KATNBL1: variants seen among roughly 807,000 people sequenced by gnomAD.
KATNBL1 encodes the protein KATNB1-like protein 1.
A neutral mutation model predicts 44.7 loss-of-function variants in KATNBL1; 28 were observed. The ratio of observed to expected loss-of-function variants is 0.63; its 90% CI spans 0.46 to 0.86. The LOEUF is 0.86. KATNBL1 is among the 40% of genes least tolerant of loss of function. The probability of loss-of-function intolerance (pLI) is 0.00; values close to 1 mark genes in which losing one functional copy is unlikely to be tolerated. For missense variants in KATNBL1, 272 were observed against 350.7 expected (o/e 0.78, Z 1.79); for synonymous variants, 78 against 114.9 (o/e 0.68, Z 2.06).
At chr15:34,167,934 G>A (rs913161865) in intron 1 of KATNBL1, among the ~76,000 whole-genome samples, 1 of 152,148 alleles carries the variant, frequency 6.6e-6, no homozygotes, top group African/African-American at 2.4e-5. Context: ...AGCTCCTGAA[G>A]GAAGCACTAA....
At position 34,152,766 on chromosome 15, in the gene KATNBL1, A is replaced by G. The variant is rs1034423698; in HGVS notation, c.438+24T>C. ...TATAACAGGAACAAAGTTAAACTAG[A>G]TATGAGTTAGAGAAAAGACTTACCT... On this transcript the variant is annotated intron_variant, in intron 4 of 9. Coordinates refer to ENST00000256544, the MANE Select transcript of KATNBL1 (RefSeq NM_024713.3). The G allele has an allele frequency of 1.1e-5, 17 of 1,566,216 alleles. 1 individual carries two copies. Among genetic ancestry groups the G allele is most frequent in the Middle Eastern group, 3.4e-4 (2 of 5,912 alleles).
intron 1 of KATNBL1, among the ~76,000 whole-genome samples, chr15:34,165,224 T>C (rs534708164): frequency 6.6e-6 from 1 of 152,298 alleles, no homozygotes; most frequent in South Asian, 2.1e-4. Context: ...AAGTAGACAC[T>C]TGTGGCTGGA....
chr15:34,171,243 AAAAC>A (rs1230686390), intron 1 of KATNBL1, among the ~76,000 whole-genome samples: 14 of 152,242 alleles, frequency 9.2e-5, no homozygotes, highest in African/African-American at 2.4e-4. Context: ...TGTCAAGAAA[AAAAC>A]AAACAACCCA....
intron 1 of KATNBL1, among the ~76,000 whole-genome samples, chr15:34,167,265 A>C (rs2140937936): frequency 6.6e-6 from 1 of 152,384 alleles, no homozygotes; most frequent in Admixed American, 6.5e-5. Flanking sequence ...GACATCATGG[A>C]GCTGAAAATC....
chr15:34,172,760 G>GACACACAGACACAGACAC (rs1889206959), intron 1 of KATNBL1, among the ~76,000 whole-genome samples: 1 of 146,426 alleles, frequency 6.8e-6, no homozygotes, highest in Non-Finnish European at 1.5e-5. Context: ...CACAGACACA[G>GACACACAGACACAGACAC]ACACACACAC....
chr15:34,151,481 T>A (rs1888476409), intron 4 of KATNBL1, among the ~76,000 whole-genome samples: 1 of 116,076 alleles, frequency 8.6e-6, no homozygotes, highest in Non-Finnish European at 1.6e-5. Flanking sequence ...AGACAGAATC[T>A]CACTCTGTAA....
chr15:34,150,430 T>C (rs1052596181), intron 4 of KATNBL1, among the ~76,000 whole-genome samples: 13 of 152,036 alleles, frequency 8.6e-5, no homozygotes, highest in Non-Finnish European at 1.8e-4. Context: ...CCTGTCGCTA[T>C]AGGAAATACA....
intron 2 of KATNBL1, among the ~76,000 whole-genome samples, chr15:34,157,368 G>A (rs1888669324): frequency 6.6e-6 from 1 of 152,134 alleles, no homozygotes; most frequent in Non-Finnish European, 1.5e-5. Flanking sequence ...TGGTCTCAAT[G>A]GTTAGAAGCA....
chr15:34,158,071 G>A (rs774258763), intron 2 of KATNBL1, among the ~76,000 whole-genome samples: 2 of 152,208 alleles, frequency 1.3e-5, no homozygotes, highest in Non-Finnish European at 2.9e-5. Flanking sequence ...CTTTGGAACA[G>A]TCTTAATTCC....
chr15:34,203,580 T>C (rs1326209423), intron 1 of KATNBL1, among the ~76,000 whole-genome samples: 1 of 152,224 alleles, frequency 6.6e-6, no homozygotes, highest in African/African-American at 2.4e-5. Context: ...TATCACCATC[T>C]GGAAATTAGC....
chr15:34,201,873 T>A (rs1890184096), intron 1 of KATNBL1, among the ~76,000 whole-genome samples: 1 of 152,246 alleles, frequency 6.6e-6, no homozygotes, highest in Admixed American at 6.5e-5. Context: ...ATATGTAGAC[T>A]TATTTTTCTC....
At chr15:34,179,672 G>A (rs1283180241) in intron 1 of KATNBL1, among the ~76,000 whole-genome samples, 1 of 152,128 alleles carries the variant, frequency 6.6e-6, no homozygotes, top group African/African-American at 2.4e-5. Context: ...AAAACTAAAT[G>A]CATAGTAAGA....
chr15:34,175,689 G>C (rs557067510), intron 1 of KATNBL1, among the ~76,000 whole-genome samples: 2 of 152,324 alleles, frequency 1.3e-5, no homozygotes, highest in Non-Finnish European at 2.9e-5. Flanking sequence ...TAACAATGTT[G>C]AGAAAGATGT....
intron 1 of KATNBL1, chr15:34,199,801 G>C (rs1304504213): frequency 6.6e-6 from 1 of 152,230 alleles, no homozygotes. Flanking sequence ...GACCCAAACA[G>C]TGAGCAACAG....
intron 2 of KATNBL1, among the ~76,000 whole-genome samples, chr15:34,160,582 T>C (rs1421307374): frequency 1.3e-5 from 2 of 152,194 alleles, no homozygotes; most frequent in Non-Finnish European, 2.9e-5. Flanking sequence ...TTTTGTAATG[T>C]TTTGGATGCG....
intron 1 of KATNBL1, among the ~76,000 whole-genome samples, chr15:34,183,623 C>T (rs542118783): frequency 3.3e-5 from 5 of 151,930 alleles, no homozygotes; most frequent in South Asian, 2.1e-4. Flanking sequence ...CAATAAAATA[C>T]GATTATTTTT....
intron 6 of KATNBL1, 28 bp downstream of exon 6, chr15:34,147,351 AT>A (rs749063148): frequency 1.2e-5 from 19 of 1,604,650 alleles, no homozygotes; most frequent in Admixed American, 1.7e-5. Flanking sequence ...CTTTAATCTT[AT>A]TTTTTTTCTG....
intron 1 of KATNBL1, among the ~76,000 whole-genome samples, chr15:34,176,488 T>C (rs1012533391): frequency 1.3e-5 from 2 of 152,042 alleles, no homozygotes; most frequent in Non-Finnish European, 2.9e-5. Context: ...TAAATGAAAA[T>C]GTCTATAAAA....
Position 34,153,065 on chromosome 15 carries a change from C to G in KATNBL1, c.163G>C (p.Val55Leu). ...KQLAAYINRT[V>L]GQTVKSPDKL... ...TCTGGGCTTTTCACAGTTTGTCCAA[C>G]TGTTCTGTAAAAAGAATTTATTTTC... is the stretch of plus-strand genomic sequence containing the variant. Residue 55 changes from valine to leucine, a missense_variant, in exon 4 of 10, where the codon GTT (valine) becomes CTT (leucine). Physicochemically the swap from Val to Leu is conservative, Grantham distance 32 (BLOSUM62 1). Transcript: ENST00000256544. 6.3e-7 allele frequency: 1 copy of G among 1,597,444 alleles called. No individual in the cohort carries two copies. Among genetic ancestry groups the G allele is most frequent in the Non-Finnish European group, 8.5e-7 (1 of 1,172,534 alleles).
Sources: allele counts gnomAD v4.1 joint callset (sites outside exome capture counted in the v4.1 genomes callset), GRCh38; gene constraint gnomAD v4.1.1; transcripts MANE v1.5; gene names NCBI Gene and HGNC (gene_info 2026-07-23, HGNC 2026-07-21).